The following CLTC variants were observed in gnomAD, a reference collection of about 807,000 sequenced individuals.
CLTC encodes the protein clathrin heavy chain 1.
In CLTC, 16 loss-of-function variants were observed where a neutral mutation model predicts 195.8. The ratio of observed to expected loss-of-function variants is 0.08; its 90% confidence interval spans 0.06 to 0.12. CLTC has a LOEUF of 0.12. Ranked by LOEUF, CLTC falls within the 10% of genes least tolerant of loss-of-function variation. The pLI, the probability that CLTC is intolerant of heterozygous loss-of-function variation, is 1.00. For synonymous variants in CLTC, 667 were observed against 689.4 expected (o/e 0.97, Z 0.51); for missense variants, 796 against 2,027.0 (o/e 0.39, Z 11.66).
intron 3 of CLTC, among the ~76,000 whole-genome samples, chr17:59,647,911 CT>C (rs1204166450): frequency 1.3e-5 from 2 of 151,934 alleles, no homozygotes; most frequent in Non-Finnish European, 2.9e-5. Context: ...GTTTTTAGCT[CT>C]TCTGTGGAGA....
Position 59,648,884 on chromosome 17 carries a change from A to T in CLTC, c.681+483A>T, listed in dbSNP as rs2032260551. On this transcript the variant is annotated intron_variant, in intron 4 of 31. Coordinates refer to ENST00000269122, the MANE Select transcript of CLTC (RefSeq NM_004859.4). This position sits in a 1 kb window ranked among gnomAD's most constrained non-coding sequence, Gnocchi z 4.5. The stretch of plus-strand genomic sequence containing the variant: ...CTAAATTTTGTATTTTTGTAGAGAC[A>T]GGGTCTCACTATACTGCCCAGGCTG... Among the ~76,000 whole-genome samples, 1 of 152,114 alleles carries T rather than the reference A, an allele frequency of 6.6e-6. No homozygotes were observed. The highest frequency in any genetic ancestry group is 1.5e-5 in the Non-Finnish European group (1 of 68,006).
intron 14 of CLTC, among the ~76,000 whole-genome samples, chr17:59,672,193 T>G (rs2032862282): frequency 6.6e-6 from 1 of 152,180 alleles, no homozygotes; most frequent in South Asian, 2.1e-4. Flanking sequence ...ATTAAAATGT[T>G]AACATTTCTA....
At chr17:59,684,830 C>A in intron 28 of CLTC, among the ~76,000 whole-genome samples, 1 of 145,112 alleles carries the variant, frequency 6.9e-6, no homozygotes, top group Admixed American at 7.0e-5. Flanking sequence ...AAAATCTTGC[C>A]CTCCAAATTA....
rs537668035 is a variant in CLTC at position 59,660,716 on chromosome 17, T to A, written c.1167+128T>A. On this transcript the variant is annotated intron_variant, in intron 7 of 31. Coordinates refer to ENST00000269122, the MANE Select transcript of CLTC (RefSeq NM_004859.4). ...TTTTAGATTACATTTGGGTTACATT[T>A]TCCTTTAGTAGAATTCCTTGTCAAT... is the stretch of plus-strand genomic sequence containing the variant. 150 of 910,492 alleles carry A rather than the reference T, an allele frequency of 1.6e-4. 1 individual carries two copies. The African/African-American group carries it at 2.3e-3, about 14-fold the overall frequency. 56.4% of individuals were successfully genotyped at this position (910,492 alleles called of 1,614,324 possible). A position where few individuals can be genotyped will look rare whatever the true frequency, so the allele number is the denominator to read the frequency against.
chr17:59,625,850 C>T (rs1252031600), intron 1 of CLTC, among the ~76,000 whole-genome samples: 1 of 152,184 alleles, frequency 6.6e-6, no homozygotes, highest in Non-Finnish European at 1.5e-5. Flanking sequence ...TTGGACAACA[C>T]AGGTTAAGTC....
chr17:59,625,709 C>T (rs1483503719), intron 1 of CLTC, among the ~76,000 whole-genome samples: 2 of 152,128 alleles, frequency 1.3e-5, no homozygotes, highest in Admixed American at 1.3e-4. Flanking sequence ...TCAGTGATCC[C>T]AAACATACTT....
intron 28 of CLTC, among the ~76,000 whole-genome samples, chr17:59,684,806 C>A (rs538121273): frequency 4.8e-3 from 615 of 127,540 alleles, no homozygotes; most frequent in East Asian, 7.1e-3. Flanking sequence ...GACTCCATCT[C>A]AAAAAAAAAG....
At chr17:59,636,972 G>A (rs2031881308) in intron 1 of CLTC, among the ~76,000 whole-genome samples, 1 of 148,298 alleles carries the variant, frequency 6.7e-6, no homozygotes, top group Admixed American at 6.7e-5. Flanking sequence ...AGTAGAGATG[G>A]GGTTTTGCCA....
At chr17:59,629,817 C>T (rs537828983) in intron 1 of CLTC, among the ~76,000 whole-genome samples, 2 of 152,056 alleles carry the variant, frequency 1.3e-5, no homozygotes, top group South Asian at 4.2e-4. Flanking sequence ...CCACACCCAG[C>T]CTAGAGATCA....
chr17:59,664,044 A>C, intron 9 of CLTC, 50 bp downstream of exon 9: 1 of 1,501,632 alleles, frequency 6.7e-7, no homozygotes, highest in East Asian at 2.3e-5. Context: ...AAGCATTGAC[A>C]GAGAAATTAG....
Position 59,681,846 on chromosome 17 carries a change from C to T in CLTC, c.3442+7C>T, listed in dbSNP as rs1441339043. 1 of 1,599,204 alleles carries T rather than the reference C, an allele frequency of 6.3e-7. No individual in the cohort carries two copies. Among genetic ancestry groups the T allele is most frequent in the East Asian group, 2.2e-5 (1 of 44,742 alleles). On this transcript the variant is annotated splice_region_variant and intron_variant, in intron 21 of 31. Coordinates refer to ENST00000269122, the MANE Select transcript of CLTC (RefSeq NM_004859.4). This position sits in a 1 kb window ranked among gnomAD's most constrained non-coding sequence, Gnocchi z 5.0. The stretch of plus-strand genomic sequence containing the variant: ...CAGGCTGCCAATACTAGTGGTATGA[C>T]TTCTTACCTTATGTATTGAAACCTC...
At chr17:59,658,052 A>T (rs569482889) in intron 6 of CLTC, among the ~76,000 whole-genome samples, 1 of 152,046 alleles carries the variant, frequency 6.6e-6, no homozygotes, top group East Asian at 1.9e-4. Flanking sequence ...TACGAAAAAA[A>T]ATTAGCTGGG....
chr17:59,674,411 T>C (rs2032920834), intron 15 of CLTC, among the ~76,000 whole-genome samples: 1 of 152,176 alleles, frequency 6.6e-6, no homozygotes. Context: ...TCTTTGGACT[T>C]ATTTATCATA....
At chr17:59,679,326 A>C in intron 17 of CLTC, 71 bp from the exon 18 acceptor site, 2 of 1,287,396 alleles carry the variant, frequency 1.6e-6, no homozygotes, top group Non-Finnish European at 2.1e-6. Context: ...AAAGATAGGA[A>C]ATACCCTCTA....
At chr17:59,622,989 G>A (rs1258480207) in intron 1 of CLTC, among the ~76,000 whole-genome samples, 1 of 152,150 alleles carries the variant, frequency 6.6e-6, no homozygotes, top group African/African-American at 2.4e-5. Context: ...GCCTATTTGA[G>A]CAAGATACTG....
chr17:59,626,386 C>T (rs1029875416), intron 1 of CLTC, among the ~76,000 whole-genome samples: 7 of 152,094 alleles, frequency 4.6e-5, no homozygotes, highest in Admixed American at 1.3e-4. Context: ...TTATGTTCCA[C>T]GAGTCTCATT....
chr17:59,636,881 G>A (rs1346274635), intron 1 of CLTC, among the ~76,000 whole-genome samples: 1 of 150,560 alleles, frequency 6.6e-6, no homozygotes, highest in Admixed American at 6.6e-5. Context: ...TCCTGCCTCA[G>A]TCTCCCGAGT....
chr17:59,638,525 G>C (rs1598207415), intron 1 of CLTC, among the ~76,000 whole-genome samples: 1 of 140,948 alleles, frequency 7.1e-6, no homozygotes, highest in Non-Finnish European at 1.6e-5. Flanking sequence ...CCAGGGACCA[G>C]TTTTGTGGAA....
intron 1 of CLTC, among the ~76,000 whole-genome samples, chr17:59,621,605 A>G (rs1331320094): frequency 6.6e-6 from 1 of 152,258 alleles, no homozygotes; most frequent in Non-Finnish European, 1.5e-5. Flanking sequence ...AAATGTAAAG[A>G]ATAATAAATT....
Sources: allele counts gnomAD v4.1 joint callset (sites outside exome capture counted in the v4.1 genomes callset), GRCh38; gene constraint gnomAD v4.1.1; non-coding constraint Gnocchi (gnomAD v3.1); transcripts MANE v1.5; gene names NCBI Gene and HGNC (gene_info 2026-07-23, HGNC 2026-07-21).